The following PANK2 variants were observed in gnomAD, a reference collection of about 807,000 sequenced individuals.
The protein encoded by PANK2 is pantothenate kinase 2, also known as pantothenate kinase 2, mitochondrial.
A neutral mutation model predicts 43.1 loss-of-function variants in PANK2; 36 were observed. That is an observed-to-expected ratio of 0.84 (90% CI 0.64 to 1.10). PANK2 has a LOEUF of 1.10. PANK2 is among the 50% of genes least tolerant of loss of function. PANK2 has a pLI of 0.00. For missense variants in PANK2, 576 were observed against 593.3 expected, an observed-to-expected ratio of 0.97 and a Z score of 0.30; for synonymous variants, 281 against 238.2, an observed-to-expected ratio of 1.18 and a Z score of -1.66.
In PANK2 at chr20:3,926,037, GGTGGGTGGCCAGAATGGAGAGGGGAGAA is replaced by G. The variant is rs1253800731; in HGVS notation, c.*2748_*2775del. The stretch of plus-strand genomic sequence containing the variant: ...AAGGAAGGCCTGAACTAAGATGGGA[GGTGGGTGGCCAGAATGGAGAGGGGAGAA>G]GTGGATGGCCAGAATGGAGAGATGC... On this transcript the variant is annotated 3_prime_UTR_variant, in exon 7 of 7. Transcript: ENST00000610179. 6.6e-6 allele frequency: 1 copy of G among 152,576 alleles called. No individual in the cohort carries two copies. The highest frequency in any genetic ancestry group is 1.5e-5 in the Non-Finnish European group (1 of 68,320). 9.5% of individuals were successfully genotyped at this position (152,576 alleles called of 1,614,324 possible).
At chr20:3,896,768 A>C (rs141665190) in intron 1 of PANK2, among the ~76,000 whole-genome samples, 1 of 152,282 alleles carries the variant, frequency 6.6e-6, no homozygotes, top group Non-Finnish European at 1.5e-5. Context: ...GAGAGCACAG[A>C]AGTTCCGTGT....
At chr20:3,912,930 CAAAAAAAAAA>C (rs71331078) in intron 4 of PANK2, among the ~76,000 whole-genome samples, 10 of 71,492 alleles carry the variant, frequency 1.4e-4, no homozygotes, top group Admixed American at 1.0e-3. Flanking sequence ...GACTCTGTCT[CAAAAAAAAAA>C]AAAAAAAAAA....
At chr20:3,896,115 G>A (rs1223802845) in intron 1 of PANK2, among the ~76,000 whole-genome samples, 1 of 151,290 alleles carries the variant, frequency 6.6e-6, no homozygotes, top group African/African-American at 2.4e-5. Context: ...AGGCTGGAGT[G>A]CAGTGGTGCG....
At chr20:3,905,004 G>C (rs1459683642) in intron 1 of PANK2, among the ~76,000 whole-genome samples, 1 of 152,108 alleles carries the variant, frequency 6.6e-6, no homozygotes, top group African/African-American at 2.4e-5. Context: ...ATTTCTTCTG[G>C]GTAATAGCAG....
chr20:3,910,872 A>G (rs1179757916), intron 3 of PANK2, 42 bp downstream of exon 3: 5 of 1,611,836 alleles, frequency 3.1e-6, no homozygotes, highest in African/African-American at 1.3e-5. Context: ...TTAGTATCCT[A>G]ACGGGCTGAG....
rs374795674 is a variant in PANK2 at position 3,906,280 on chromosome 20, T to C, written c.299-1646T>C. Among the ~76,000 whole-genome samples the C allele has an allele frequency of 1.1e-4, 16 of 151,824 alleles. No homozygotes were observed. The East Asian group carries it at 2.3e-3, about 22-fold the overall frequency. Reference sequence around the variant, plus strand: ...TTCTACAAAAAATACAAAAATTAGGTGGGTGTGGTGGCATGCACCTTTAGT... The same window carrying C: ...TTCTACAAAAAATACAAAAATTAGGCGGGTGTGGTGGCATGCACCTTTAGT... On this transcript the variant is annotated intron_variant, in intron 1 of 6. Transcript: ENST00000610179.
chr20:3,907,155 G>A (rs1252613916), intron 1 of PANK2, among the ~76,000 whole-genome samples: 1 of 145,886 alleles, frequency 6.9e-6, no homozygotes, highest in Non-Finnish European at 1.5e-5. Flanking sequence ...CCAGGCTGGA[G>A]TGCAGTGGTG....
chr20:3,910,653 G>A lies in PANK2; in HGVS notation c.728G>A (p.Gly243Glu), dbSNP rs2146866985. The change falls in exon 3 of 7, where the codon GGA becomes GAA. Residue 243 changes from glycine (G) to glutamate (E), a missense_variant. Physicochemically the swap from Gly to Glu is moderately conservative, Grantham distance 98. Coordinates refer to ENST00000610179, the MANE Select transcript of PANK2 (RefSeq NM_001386393.1). ...GGAATTTTATACATTGACTCAGTCGGATTCAATGGACGGTCACAGTGCTAT... is the reference window on the plus strand; with the variant it reads ...GGAATTTTATACATTGACTCAGTCGAATTCAATGGACGGTCACAGTGCTAT... The A allele has an allele frequency of 1.2e-6, 2 of 1,614,152 alleles. No homozygotes were observed. Among genetic ancestry groups the A allele is most frequent in the Non-Finnish European group, 1.7e-6 (2 of 1,180,022 alleles).
At position 3,910,676 on chromosome 20, in the gene PANK2, T is replaced by C. The variant is rs2090455270; in HGVS notation, c.751T>C (p.Tyr251His). Residue 251 changes from tyrosine to histidine, a missense_variant, in exon 3 of 7, where the codon TAT becomes CAT. Around this residue, in one of 2 missense-constraint regions of PANK2, gnomAD observed 544 missense variants for 528.9 expected, o/e 1.03. Transcript: ENST00000610179. ...CGGATTCAATGGACGGTCACAGTGC[T>C]ATTACTTTGAAAACCCTGCTGATTC... is the stretch of plus-strand genomic sequence containing the variant. The C allele has an allele frequency of 6.2e-7, 1 of 1,614,212 alleles. No individual in the cohort carries two copies. Among genetic ancestry groups the C allele is most frequent in the Non-Finnish European group, 8.5e-7 (1 of 1,180,032 alleles).
Position 3,889,495 on chromosome 20 carries a change from C to A in PANK2, c.65C>A (p.Pro22His), listed in dbSNP as rs1329524108. ...ATGGGAGGGGGCCGGCTCGGCGCGC[C>A]CATGGAGCGCCACGGCAGGGCTTCC... The change falls in exon 1 of 7, where the codon CCC becomes CAC. Residue 22 changes from proline to histidine, a missense_variant. Physicochemically the swap from Pro to His is moderately conservative, Grantham distance 77 (BLOSUM62 -2). Around this residue, in one of 2 missense-constraint regions of PANK2, gnomAD observed 544 missense variants for 528.9 expected, o/e 1.03. Transcript: ENST00000610179. The A allele has an allele frequency of 8.2e-6, 12 of 1,468,378 alleles. No individual in the cohort carries two copies. Among genetic ancestry groups the A allele is most frequent in the Non-Finnish European group, 1.1e-5 (12 of 1,119,998 alleles). 91.0% of individuals were successfully genotyped at this position (1,468,378 alleles called of 1,614,324 possible). A position where few individuals can be genotyped will look rare whatever the true frequency, so the allele number is the denominator to read the frequency against.
chr20:3,923,580 A>T lies in PANK2; in HGVS notation c.*286A>T. The T allele has an allele frequency of 2.0e-6, 1 of 488,326 alleles. No homozygotes were observed. The highest frequency in any genetic ancestry group is 3.8e-5 in the East Asian group (1 of 26,666). 30.2% of individuals were successfully genotyped at this position (488,326 alleles called of 1,614,324 possible). ...TTTGTATTTTTGAAATCTCTGCATCACTCATTGGAAGTGCTTCTGAAGAGA... is the reference window on the plus strand; with the variant it reads ...TTTGTATTTTTGAAATCTCTGCATCTCTCATTGGAAGTGCTTCTGAAGAGA... On this transcript the variant is annotated 3_prime_UTR_variant, in exon 7 of 7. Coordinates refer to ENST00000610179, the MANE Select transcript of PANK2 (RefSeq NM_001386393.1).
At chr20:3,901,262 G>A (rs1362021585) in intron 1 of PANK2, among the ~76,000 whole-genome samples, 2 of 151,800 alleles carry the variant, frequency 1.3e-5, no homozygotes, top group African/African-American at 2.4e-5. Flanking sequence ...GTCCAGGCTG[G>A]TCTCCCAACT....
upstream of PANK2, chr20:3,888,971 GGGC>G: frequency 4.2e-6 from 3 of 706,584 alleles, no homozygotes; most frequent in Admixed American, 6.1e-5. Flanking sequence ...GAGCACTGCT[GGGC>G]TGGAGGAGGG....
chr20:3,928,599 T>C lies in PANK2; in HGVS notation c.*5305T>C, dbSNP rs2090763649. The C allele has an allele frequency of 1.3e-5, 2 of 151,342 alleles. No individual in the cohort carries two copies. The allele number at this position is 151,342 out of a possible 1,614,324, so 9.4% of individuals were successfully genotyped here. On this transcript the variant is annotated 3_prime_UTR_variant, in exon 7 of 7. Transcript: ENST00000610179. ...GGTGAAACTCCGTCTGTACTAAAAA[T>C]ACAAAAAATTAGCCGAGCGTGGTGG...
At chr20:3,912,688 A>C in intron 4 of PANK2, 54 bp downstream of exon 4, 251 of 1,597,296 alleles carry the variant, frequency 1.6e-4, no homozygotes, top group Non-Finnish European at 2.0e-4. Context: ...GCGGTGGCTC[A>C]TGCCTTTAAT....
intron 1 of PANK2, among the ~76,000 whole-genome samples, chr20:3,890,114 TG>T (rs1395292191): frequency 6.6e-6 from 1 of 152,210 alleles, no homozygotes; most frequent in African/African-American, 2.4e-5. Flanking sequence ...TTGTTTTCCG[TG>T]GGTTTCCAAA....
At chr20:3,889,020 G>T, upstream of PANK2, 1 of 1,155,578 alleles carries the variant, frequency 8.7e-7, no homozygotes, top group Non-Finnish European at 1.2e-6. Context: ...CAGCGGGGTG[G>T]GACTCGGGGT....
At chr20:3,915,156 C>T (rs2090537663) in intron 4 of PANK2, among the ~76,000 whole-genome samples, 1 of 152,164 alleles carries the variant, frequency 6.6e-6, no homozygotes, top group South Asian at 2.1e-4. Flanking sequence ...TATCTATCTT[C>T]TGTCACTTGT....
intron 2 of PANK2, among the ~76,000 whole-genome samples, chr20:3,910,301 T>TG (rs2090448062): frequency 6.6e-6 from 1 of 150,562 alleles, no homozygotes; most frequent in Non-Finnish European, 1.5e-5. Flanking sequence ...TGTGGTTTTT[T>TG]TTTTTTGTTT....
Sources: allele counts gnomAD v4.1 joint callset (sites outside exome capture counted in the v4.1 genomes callset), GRCh38; gene constraint gnomAD v4.1.1; regional missense constraint gnomAD v4.1.1; transcripts MANE v1.5; gene names NCBI Gene and HGNC (gene_info 2026-07-23, HGNC 2026-07-21).